Variants in ARSG observed in about 807,000 individuals in gnomAD.
The protein encoded by ARSG is arylsulfatase G.
A neutral mutation model predicts 50.5 loss-of-function variants in ARSG; 37 were observed. That is an observed-to-expected ratio of 0.73 (90% CI 0.56 to 0.96). The LOEUF is 0.96. Among genes scored for constraint, ARSG ranks in the 50% least tolerant of loss-of-function variants. The pLI, the probability that ARSG is intolerant of heterozygous loss-of-function variation, is 0.00. For synonymous variants in ARSG, 225 were observed against 254.6 expected, an observed-to-expected ratio of 0.88 and a Z score of 1.11; for missense variants, 629 against 675.3, an observed-to-expected ratio of 0.93 and a Z score of 0.76.
At position 68,381,500 on chromosome 17, in the gene ARSG, T is replaced by C. The variant is rs1457281753; in HGVS notation, c.983-3564T>C. 6.6e-6 allele frequency among the ~76,000 whole-genome samples: 1 copy of C among 152,140 alleles called. No individual in the cohort carries two copies. Among genetic ancestry groups the C allele is most frequent in the Non-Finnish European group, 1.5e-5 (1 of 68,022 alleles). ...AAGTATGGAGGCTTATCTAAATGAA[T>C]AGTGTTTGAAATTGAAAAGTGATTA... On this transcript the variant is annotated intron_variant, in intron 8 of 11. Coordinates refer to ENST00000621439, the MANE Select transcript of ARSG (RefSeq NM_001267727.2). This position sits in a 1 kb window ranked among gnomAD's most constrained non-coding sequence, Gnocchi z 4.1.
In ARSG at chr17:68,328,094, C is replaced by T. The variant is rs188937493; in HGVS notation, c.219-15510C>T. Among the ~76,000 whole-genome samples, 71 of 152,204 alleles carry T rather than the reference C, an allele frequency of 4.7e-4. No homozygotes were observed. In the South Asian group the frequency reaches 1.0e-2, roughly 21 times the overall value. On this transcript the variant is annotated intron_variant, in intron 2 of 11. Coordinates refer to ENST00000621439, the MANE Select transcript of ARSG (RefSeq NM_001267727.2). ...TGAGTCTGAGTTGACATGTGACATA[C>T]GTGTGGCAGTGTACATGATACCAGG...
intron 2 of ARSG, among the ~76,000 whole-genome samples, chr17:68,325,811 T>C (rs1054128380): frequency 3.9e-5 from 6 of 152,232 alleles, no homozygotes; most frequent in African/African-American, 1.2e-4. Flanking sequence ...AAAAGAGCTA[T>C]TTCTCATTCT....
chr17:68,340,889 A>G (rs932085599), intron 2 of ARSG, among the ~76,000 whole-genome samples: 1 of 152,118 alleles, frequency 6.6e-6, no homozygotes, highest in Admixed American at 6.6e-5. Flanking sequence ...ATGAGTTCAT[A>G]ATGACTTCTA....
intron 2 of ARSG, among the ~76,000 whole-genome samples, chr17:68,325,154 A>G (rs1015784629): frequency 6.6e-6 from 1 of 151,842 alleles, no homozygotes; most frequent in African/African-American, 2.4e-5. Flanking sequence ...ATTTACAGCC[A>G]CTCCTCATCG....
chr17:68,417,361 C>T (rs901670995), intron 11 of ARSG, among the ~76,000 whole-genome samples: 1 of 152,130 alleles, frequency 6.6e-6, no homozygotes, highest in Non-Finnish European at 1.5e-5. Context: ...TTACTTTTCT[C>T]CTACCCCTTT....
chr17:68,327,857 A>G (rs868984921), intron 2 of ARSG, among the ~76,000 whole-genome samples: 2 of 152,120 alleles, frequency 1.3e-5, no homozygotes, highest in East Asian at 1.9e-4. Context: ...GCGTGCTACC[A>G]TGGGTTAGAG....
intron 6 of ARSG, among the ~76,000 whole-genome samples, chr17:68,362,590 C>T (rs973939606): frequency 1.3e-5 from 2 of 152,044 alleles, no homozygotes; most frequent in African/African-American, 4.8e-5. Flanking sequence ...CTGAGTATTC[C>T]GTATCTGGAA....
chr17:68,437,948 T>TAAAAAAAAAAAAAAAAA, the ARSG span, among the ~76,000 whole-genome samples: 5 of 78,806 alleles, frequency 6.3e-5, no homozygotes, highest in African/African-American at 2.4e-4. Flanking sequence ...ACATCTCTCT[T>TAAAAAAAAAAAAAAAAA]AAAAAAAAAA....
At chr17:68,402,261 T>C (rs190470306) in intron 11 of ARSG, among the ~76,000 whole-genome samples, 2 of 152,300 alleles carry the variant, frequency 1.3e-5, no homozygotes, top group East Asian at 3.9e-4. Flanking sequence ...TTTGTTTGTT[T>C]TGAGACAGAG....
chr17:68,319,396 G>A (rs2077191591), intron 2 of ARSG, among the ~76,000 whole-genome samples: 1 of 152,170 alleles, frequency 6.6e-6, no homozygotes, highest in Non-Finnish European at 1.5e-5. Flanking sequence ...TCAAAATCAT[G>A]TCATGCCCAC....
At chr17:68,312,649 G>A (rs1162932505) in intron 2 of ARSG, among the ~76,000 whole-genome samples, 1 of 152,112 alleles carries the variant, frequency 6.6e-6, no homozygotes, top group African/African-American at 2.4e-5. Context: ...CTTTCCATCT[G>A]AGCCTTGTGA....
chr17:68,345,989 C>T (rs2078485666), intron 3 of ARSG, among the ~76,000 whole-genome samples: 2 of 152,156 alleles, frequency 1.3e-5, no homozygotes, highest in African/African-American at 4.8e-5. Context: ...GATTCTCCTG[C>T]CTCAGCCTCC....
chr17:68,379,894 C>T, intron 8 of ARSG: 1 of 982,938 alleles, frequency 1.0e-6, no homozygotes, highest in Non-Finnish European at 1.2e-6. Context: ...AAGTACCTTG[C>T]TTGAAGCTTT....
upstream of ARSG, among the ~76,000 whole-genome samples, chr17:68,289,991 G>A (rs1187006811): frequency 6.6e-6 from 1 of 152,196 alleles, no homozygotes; most frequent in Non-Finnish European, 1.5e-5. Flanking sequence ...CCACATAACG[G>A]TGCTTGGGAC....
the ARSG span, chr17:68,434,614 G>C: frequency 3.1e-6 from 5 of 1,613,934 alleles, no homozygotes; most frequent in Non-Finnish European, 4.2e-6. Flanking sequence ...GAGAACACCC[G>C]GATGACTGTG....
At position 68,306,190 on chromosome 17, in the gene ARSG, T is replaced by C. The variant is rs1413835881; in HGVS notation, c.-551-753T>C. On this transcript the variant is annotated intron_variant, in intron 1 of 11. Transcript: ENST00000621439. ...GCTCATTTTGTATTTTTAGTAGAAC[T>C]GGGGTTTCTCCATGTTGGTCAGGCT... 3.3e-5 allele frequency among the ~76,000 whole-genome samples: 5 copies of C among 151,926 alleles called. No individual in the cohort carries two copies. The East Asian group carries it at 9.8e-4, about 30-fold the overall frequency.
intron 2 of ARSG, among the ~76,000 whole-genome samples, chr17:68,331,457 G>A (rs2077765644): frequency 6.6e-6 from 1 of 152,058 alleles, no homozygotes; most frequent in South Asian, 2.1e-4. Flanking sequence ...TGTTAGCCAG[G>A]ATGGTCTTGA....
intron 2 of ARSG, among the ~76,000 whole-genome samples, chr17:68,315,456 G>A (rs1334074541): frequency 4.6e-5 from 7 of 152,026 alleles, no homozygotes; most frequent in Admixed American, 4.6e-4. Context: ...GAGCCCAGGA[G>A]GTTGAGGCCA....
rs1309340580 is a variant in ARSG at position 68,378,278 on chromosome 17, C to G, written c.983-6786C>G. On this transcript the variant is annotated intron_variant, in intron 8 of 11. Transcript: ENST00000621439. This position sits in a 1 kb window ranked among gnomAD's most constrained non-coding sequence, Gnocchi z 4.4. Reference sequence around the variant, plus strand: ...TGTTTTCGCAACGGAGTAGGACAAACAGTACCCGGAGTCGTGCAACTTTCT... The same window carrying G: ...TGTTTTCGCAACGGAGTAGGACAAAGAGTACCCGGAGTCGTGCAACTTTCT... 1.3e-5 allele frequency among the ~76,000 whole-genome samples: 2 copies of G among 152,220 alleles called. No homozygotes were observed. Among genetic ancestry groups the G allele is most frequent in the East Asian group, 3.8e-4 (2 of 5,196 alleles).
Sources: allele counts gnomAD v4.1 joint callset (sites outside exome capture counted in the v4.1 genomes callset), GRCh38; gene constraint gnomAD v4.1.1; non-coding constraint Gnocchi (gnomAD v3.1); transcripts MANE v1.5; gene names NCBI Gene and HGNC (gene_info 2026-07-23, HGNC 2026-07-21).